Variants in DDX50 observed in about 807,000 individuals in gnomAD.
The protein encoded by DDX50 is ATP-dependent RNA helicase DDX50.
In DDX50, 56 loss-of-function variants were observed where a neutral mutation model predicts 94.8. That is an observed-to-expected ratio of 0.59 (90% CI 0.48 to 0.74). DDX50 has a LOEUF of 0.74. Among genes scored for constraint, DDX50 ranks in the 30% least tolerant of loss-of-function variants. The pLI is 0.00. For synonymous variants in DDX50, 264 were observed against 295.4 expected (o/e 0.89, Z 1.09); for missense variants, 713 against 881.2 (o/e 0.81, Z 2.42).
At chr10:68,918,167 A>C (rs1041725311) in intron 7 of DDX50, among the ~76,000 whole-genome samples, 3 of 151,642 alleles carry the variant, frequency 2.0e-5, no homozygotes, top group Admixed American at 6.6e-5. Flanking sequence ...CAGGTGATCC[A>C]CCCGTCTCGG....
At chr10:68,915,286 G>C (rs1316679479) in intron 7 of DDX50, among the ~76,000 whole-genome samples, 1 of 150,966 alleles carries the variant, frequency 6.6e-6, no homozygotes, top group Non-Finnish European at 1.5e-5. Flanking sequence ...GGTGGCGGGC[G>C]CCTGTAGTTC....
intron 10 of DDX50, among the ~76,000 whole-genome samples, chr10:68,935,503 TTC>T (rs1218172449): frequency 6.6e-6 from 1 of 152,156 alleles, no homozygotes; most frequent in African/African-American, 2.4e-5. Context: ...AAAATTATTT[TTC>T]TCTTTCTGAA....
At chr10:68,903,569 G>A (rs1358944851) in intron 1 of DDX50, among the ~76,000 whole-genome samples, 1 of 152,102 alleles carries the variant, frequency 6.6e-6, no homozygotes, top group Admixed American at 6.6e-5. Context: ...TGGAGGCTGA[G>A]GCAGGTGGAT....
At chr10:68,931,482 C>T (rs964007963) in intron 8 of DDX50, among the ~76,000 whole-genome samples, 10 of 144,086 alleles carry the variant, frequency 6.9e-5, no homozygotes, top group Middle Eastern at 3.6e-3. Context: ...GCTCTGTTGC[C>T]CAGGCTGGAG....
intron 8 of DDX50, among the ~76,000 whole-genome samples, chr10:68,925,677 C>T (rs1163491346): frequency 1.3e-5 from 2 of 151,990 alleles, no homozygotes; most frequent in African/African-American, 2.4e-5. Context: ...AGTTTGAGAC[C>T]AGCCTGGGCA....
rs374420549 is a variant in DDX50 at position 68,941,001 on chromosome 10, A to T, written c.1756-59A>T. On this transcript the variant is annotated intron_variant, in intron 12 of 14. Coordinates refer to ENST00000373585, the MANE Select transcript of DDX50 (RefSeq NM_024045.2). ...AAGTCTTGAAGGATTATAGAGTTAG[A>T]ATTTCATTGTACTGCTGCTGATTTA... 1.8e-5 allele frequency: 28 copies of T among 1,562,324 alleles called. No homozygotes were observed. The East Asian group carries it at 2.0e-4, about 11-fold the overall frequency.
rs1310644699 is a variant in DDX50 at position 68,941,190 on chromosome 10, A to G, written c.1886A>G (p.Asn629Ser). The change falls in exon 13 of 15, where the codon AAT becomes AGT. Residue 629 changes from asparagine (N) to serine (S), a missense_variant. Around this residue, in one of 2 missense-constraint regions of DDX50, gnomAD observed 428 missense variants for 602.3 expected, o/e 0.71. Coordinates refer to ENST00000373585, the MANE Select transcript of DDX50 (RefSeq NM_024045.2). ...ACCAGAATGTGCCTCCTGAAAGGAAATATGGTAGGCTTTTCCAGACAATTA... is the reference window on the plus strand; with the variant it reads ...ACCAGAATGTGCCTCCTGAAAGGAAGTATGGTAGGCTTTTCCAGACAATTA... The part of the protein sequence containing the change: ...QITRMCLLKG[N>S]MGVCFDVPTT... 1.2e-6 allele frequency: 2 copies of G among 1,610,946 alleles called. No individual in the cohort carries two copies. The highest frequency in any genetic ancestry group is 1.7e-6 in the Non-Finnish European group (2 of 1,179,252).
At chr10:68,931,409 A>ATATG (rs1166109117) in intron 8 of DDX50, among the ~76,000 whole-genome samples, 1 of 72,836 alleles carries the variant, frequency 1.4e-5, no homozygotes, top group African/African-American at 4.8e-5. Flanking sequence ...ATATATATAT[A>ATATG]TGTATATATA....
chr10:68,934,660 C>A lies in DDX50; in HGVS notation c.1402-139C>A. ...ATCATATTGCCTTTACCCCAAAATC[C>A]ACACATATAAATTGTTTGGAATGTT... is the stretch of plus-strand genomic sequence containing the variant. On this transcript the variant is annotated intron_variant, in intron 9 of 14. Coordinates refer to ENST00000373585, the MANE Select transcript of DDX50 (RefSeq NM_024045.2). The surrounding 1 kb of genome is among the most constrained non-coding windows in gnomAD (Gnocchi z 4.0). 8.8e-7 allele frequency: 1 copy of A among 1,135,018 alleles called. No homozygotes were observed. Among genetic ancestry groups the A allele is most frequent in the South Asian group, 1.8e-5 (1 of 56,940 alleles). 70.3% of individuals were successfully genotyped at this position (1,135,018 alleles called of 1,614,324 possible).
In DDX50 at chr10:68,929,292, C is replaced by CCTTCCT. The variant is rs1554836333; in HGVS notation, c.1240-4905_1240-4904insTCCTCT. On this transcript the variant is annotated intron_variant, in intron 8 of 14. Transcript: ENST00000373585. Reference sequence around the variant, plus strand: ...TCCTTCCTTCCTTCCTTCCTTCCTTCCTCTCTCTCTCTCTCTCTCTCTTTC... The same window carrying CCTTCCT: ...TCCTTCCTTCCTTCCTTCCTTCCTTCCTTCCTCTCTCTCTCTCTCTCTCTCTCTTTC... 3.1e-3 allele frequency among the ~76,000 whole-genome samples: 383 copies of CCTTCCT among 122,572 alleles called. 1 individual carries two copies. Among genetic ancestry groups the CCTTCCT allele is most frequent in the African/African-American group, 0.011 (358 of 32,044 alleles). 80.4% of individuals were successfully genotyped at this position (122,572 alleles called of 152,430 possible).
At chr10:68,909,318 G>A (rs1407445154) in intron 2 of DDX50, among the ~76,000 whole-genome samples, 3 of 152,118 alleles carry the variant, frequency 2.0e-5, no homozygotes, top group African/African-American at 7.2e-5. Flanking sequence ...TTTGTTCTAT[G>A]TGCACATTAG....
At chr10:68,933,579 G>A (rs947392826) in intron 8 of DDX50, among the ~76,000 whole-genome samples, 5 of 151,772 alleles carry the variant, frequency 3.3e-5, no homozygotes, top group South Asian at 2.1e-4. Context: ...TAATATCCAC[G>A]TTATAAATAA....
intron 12 of DDX50, among the ~76,000 whole-genome samples, chr10:68,938,584 G>A (rs1399109571): frequency 6.6e-6 from 1 of 152,204 alleles, no homozygotes; most frequent in African/African-American, 2.4e-5. Context: ...CCTGTGATGG[G>A]GAGGAGGAAA....
chr10:68,908,403 A>G (rs528180014), intron 2 of DDX50, among the ~76,000 whole-genome samples: 32 of 138,400 alleles, frequency 2.3e-4, no homozygotes, highest in African/African-American at 7.9e-4. Flanking sequence ...GTGAGCCGAG[A>G]TTGCACCATT....
chr10:68,924,261 C>T (rs145417970), intron 8 of DDX50, among the ~76,000 whole-genome samples: 160 of 152,106 alleles, frequency 1.1e-3, no homozygotes, highest in Non-Finnish European at 1.9e-3. Flanking sequence ...CATGAGCCAC[C>T]GTGTCTGCCA....
Position 68,910,473 on chromosome 10 carries a change from GCTCACTGCAACCTCCGC to G in DDX50, c.460+95_460+111del, listed in dbSNP as rs113782027. 1.3e-3 allele frequency: 1,345 copies of G among 1,003,446 alleles called. 17 individuals carry two copies. The African/African-American group carries it at 0.019, about 14-fold the overall frequency. The allele number at this position is 1,003,446 out of a possible 1,614,324, so 62.2% of individuals were successfully genotyped here. A position where few individuals can be genotyped will look rare whatever the true frequency, so the allele number is the denominator to read the frequency against. ...GCTGGAGTGCAGTGGGGCAGTCTTG[GCTCACTGCAACCTCCGC>G]CTCCTGGGTTCAAGCGATTCTCCTA... On this transcript the variant is annotated intron_variant, in intron 3 of 14. Coordinates refer to ENST00000373585, the MANE Select transcript of DDX50 (RefSeq NM_024045.2).
chr10:68,936,193 T>G, intron 11 of DDX50, 114 bp downstream of exon 11: 1 of 760,046 alleles, frequency 1.3e-6, no homozygotes, highest in Middle Eastern at 2.4e-4. Context: ...CAGCAGACAT[T>G]TAGTTATATT....
chr10:68,937,135 G>A, intron 12 of DDX50, 40 bp downstream of exon 12: 3 of 1,548,706 alleles, frequency 1.9e-6, no homozygotes, highest in East Asian at 2.3e-5. Flanking sequence ...GTGGGAAAAG[G>A]TTAAAATTGA....
chr10:68,910,156 C>T, intron 2 of DDX50, 151 bp from the exon 3 acceptor site: 1 of 646,300 alleles, frequency 1.5e-6, no homozygotes, highest in South Asian at 1.9e-5. Context: ...CACTGCACTC[C>T]AACCTGGGCA....
Sources: gnomAD v4.1 joint callset for allele counts (sites outside exome capture counted in the v4.1 genomes callset) on GRCh38, gnomAD v4.1.1 for gene constraint, gnomAD v4.1.1 regional missense constraint, Gnocchi (gnomAD v3.1) non-coding constraint, MANE v1.5 for transcripts, NCBI Gene and HGNC (gene_info 2026-07-23, HGNC 2026-07-21) for gene names.